Variants in RNF213 observed in about 807,000 individuals in gnomAD.
The protein encoded by RNF213 is ring finger protein 213, also known as E3 ubiquitin-protein ligase RNF213.
Under a neutral mutation model 514.4 loss-of-function variants are expected in RNF213, and 341 were observed. The observed-to-expected ratio is 0.66, with a 90% CI of 0.61 to 0.73. RNF213 has a LOEUF of 0.73. RNF213 is among the 30% of genes least tolerant of loss of function. RNF213 has a pLI of 0.00. For missense variants in RNF213, 5,767 were observed against 6,615.6 expected (o/e 0.87, Z 4.45); for synonymous variants, 2,655 against 2,658.2 (o/e 1.00, Z 0.04).
rs371202144 is a variant in RNF213, at chr17:80,369,594, C to T, written c.12248C>T (p.Pro4083Leu). 70 of 1,614,098 alleles carry T rather than the reference C, an allele frequency of 4.3e-5. No individual in the cohort carries two copies. Among genetic ancestry groups the T allele is most frequent in the Non-Finnish European group, 5.6e-5 (66 of 1,180,046 alleles). The change falls in exon 45 of 68, where the codon CCG (proline) becomes CTG (leucine). Residue 4083 changes from proline to leucine, a missense_variant. This residue lies in a region of RNF213 where 93 missense variants were observed against 95.6 expected (regional missense o/e 0.97). Coordinates refer to ENST00000582970, the MANE Select transcript of RNF213 (RefSeq NM_001256071.3). ...VSTICFKDNA[P>L]PEKEVIESLL... is the part of the protein sequence containing the mutation. ...ACCATTTGCTTCAAGGACAACGCTC[C>T]GCCTGAGAAGGAAGTGATTGAGAGC...
At position 80,347,919 on chromosome 17, in the gene RNF213, TGGA is replaced by T. The variant is rs747090203; in HGVS notation, c.9586_9588del (p.Glu3196del). On this transcript the variant is annotated inframe_deletion, in exon 29 of 68. Transcript: ENST00000582970. This position sits in a 1 kb window ranked among gnomAD's most constrained non-coding sequence, Gnocchi z 7.2. ...ATCGTGGAGGAGCTCTGTGCGTGGG[TGGA>T]GAAGTTCATCAATGTCAAAGCACAT... is the stretch of plus-strand genomic sequence containing the variant. The T allele has an allele frequency of 5.6e-6, 9 of 1,614,064 alleles. No individual in the cohort carries two copies. The highest frequency in any genetic ancestry group is 3.3e-5 in the Admixed American group (2 of 60,018).
In RNF213 at chr17:80,346,014, C is replaced by T; in HGVS notation, c.7679C>T (p.Pro2560Leu). The T allele has an allele frequency of 6.2e-7, 1 of 1,614,210 alleles. No individual in the cohort carries two copies. Among genetic ancestry groups the T allele is most frequent in the Non-Finnish European group, 8.5e-7 (1 of 1,180,042 alleles). The change falls in exon 29 of 68, where the codon CCT becomes CTT. Residue 2560 changes from proline (P) to leucine (L), a missense_variant. By Grantham distance (98) the Pro-to-Leu change is moderately conservative. This residue lies in a region of RNF213 where 1,377 missense variants were observed against 1,635.2 expected (regional missense o/e 0.84). Transcript: ENST00000582970. This position sits in a 1 kb window ranked among gnomAD's most constrained non-coding sequence, Gnocchi z 8.1. ...EETADRLGSI[P>L]LRQLVYRVHA... ...ACGGCCGACAGGCTGGGCTCCATTC[C>T]TCTGAGGCAGCTGGTATACCGGGTC...
chr17:80,376,244 G>A (rs1396895274), intron 51 of RNF213, 57 bp from the exon 52 acceptor site: 12 of 1,595,588 alleles, frequency 7.5e-6, no homozygotes, highest in East Asian at 2.2e-5. Context: ...GTATGTCTAA[G>A]AGCAATTCAC....
At chr17:80,392,424 T>C (rs1055260822) in intron 67 of RNF213, among the ~76,000 whole-genome samples, 8 of 152,182 alleles carry the variant, frequency 5.3e-5, no homozygotes, top group Non-Finnish European at 1.2e-4. Context: ...AAACATCACC[T>C]TGCTAGAGGG....
intron 17 of RNF213, among the ~76,000 whole-genome samples, chr17:80,322,630 G>C (rs1214548708): frequency 6.6e-6 from 1 of 152,092 alleles, no homozygotes; most frequent in Non-Finnish European, 1.5e-5. Context: ...GCCCAGGCTG[G>C]TCTTGAACTC....
At chr17:80,289,450 C>T (rs889324030) in intron 5 of RNF213, among the ~76,000 whole-genome samples, 2 of 152,078 alleles carry the variant, frequency 1.3e-5, no homozygotes, top group African/African-American at 2.4e-5. Flanking sequence ...ATTAGCCAGC[C>T]GTGGTGGCAT....
At position 80,354,671 on chromosome 17, in the gene RNF213, C is replaced by T. The variant is rs575211485; in HGVS notation, c.10862+95C>T. 2.5e-4 allele frequency: 369 copies of T among 1,469,722 alleles called. 6 individuals are homozygous for T. The South Asian group carries it at 4.1e-3, about 16-fold the overall frequency. 91.0% of individuals were successfully genotyped at this position (1,469,722 alleles called of 1,614,324 possible). Reference sequence around the variant, plus strand: ...CCTCTCTCCATCCGGGCCATGGGGACTGAGCTGTTTCTTTCCAAACCTCTC... The same window carrying T: ...CCTCTCTCCATCCGGGCCATGGGGATTGAGCTGTTTCTTTCCAAACCTCTC... On this transcript the variant is annotated intron_variant, in intron 36 of 67. Transcript: ENST00000582970.
intron 25 of RNF213, 55 bp from the exon 26 acceptor site, chr17:80,339,146 C>A: frequency 7.2e-7 from 1 of 1,381,366 alleles, no homozygotes; most frequent in African/African-American, 1.5e-5. Flanking sequence ...TGCAGAGTAG[C>A]GTGTTACCCT....
intron 42 of RNF213, chr17:80,365,192 A>G (rs906166415): frequency 2.6e-5 from 4 of 156,310 alleles, no homozygotes; most frequent in African/African-American, 9.6e-5. Context: ...TCACGTGAGC[A>G]CATCCAGAGC....
chr17:80,388,042 C>T (rs1422610982), intron 63 of RNF213, among the ~76,000 whole-genome samples: 1 of 150,316 alleles, frequency 6.7e-6, no homozygotes, highest in Non-Finnish European at 1.5e-5. Flanking sequence ...TTGCTGCAAG[C>T]TCCACCTCCC....
chr17:80,337,544 C>T (rs1178888762), intron 23 of RNF213, 42 bp from the exon 24 acceptor site: 18 of 1,531,376 alleles, frequency 1.2e-5, no homozygotes, highest in Non-Finnish European at 1.6e-5. Context: ...GCAAGATCCT[C>T]GCTCCAACCG....
In RNF213 at chr17:80,306,323, G is replaced by A. The variant is rs1340518021; in HGVS notation, c.2282G>A (p.Trp761Ter). The change falls in exon 12 of 68, where the codon TGG (tryptophan) becomes TAG (stop). Residue 761 changes from tryptophan (W) to a stop codon, truncating the protein, a stop_gained. Coordinates refer to ENST00000582970, the MANE Select transcript of RNF213 (RefSeq NM_001256071.3). LOFTEE classifies it high-confidence loss of function. ...LSIDEPLFRS[W>*]FSLLPLSHLV... is the part of the protein sequence containing the mutation. ...ATAGACGAGCCTCTCTTCCGGTCCTGGTTTAGTCTGCTACCTCTGAGTCAC... is the reference window on the plus strand; with the variant it reads ...ATAGACGAGCCTCTCTTCCGGTCCTAGTTTAGTCTGCTACCTCTGAGTCAC... 1 of 1,614,012 alleles carries A rather than the reference G, an allele frequency of 6.2e-7. No homozygotes were observed. The highest frequency in any genetic ancestry group is 1.3e-5 in the African/African-American group (1 of 74,880).
At chr17:80,360,622 C>T (rs950103221) in intron 38 of RNF213, among the ~76,000 whole-genome samples, 1 of 152,198 alleles carries the variant, frequency 6.6e-6, no homozygotes, top group African/African-American at 2.4e-5. Flanking sequence ...GCACGAGCGC[C>T]TGGAGCATCC....
rs1356988794 is a variant in RNF213, at chr17:80,288,626, C to G, written c.811-7C>G. 8 of 1,614,160 alleles carry G rather than the reference C, an allele frequency of 5.0e-6. No homozygotes were observed. Among genetic ancestry groups the G allele is most frequent in the Non-Finnish European group, 6.8e-6 (8 of 1,180,030 alleles). ...TCACCTTGGCTCTGGTGTTTGGGGT[C>G]TTTCAGGCAGTTGATGCTGTAGCTG... On this transcript the variant is annotated splice_region_variant and splice_polypyrimidine_tract_variant and intron_variant, in intron 4 of 67. Transcript: ENST00000582970. This position sits in a 1 kb window ranked among gnomAD's most constrained non-coding sequence, Gnocchi z 4.9.
At chr17:80,391,987 C>T (rs1319430933) in intron 67 of RNF213, among the ~76,000 whole-genome samples, 1 of 151,764 alleles carries the variant, frequency 6.6e-6, no homozygotes, top group African/African-American at 2.4e-5. Flanking sequence ...AGGCTGGTCT[C>T]GATCTCCTGA....
chr17:80,325,659 C>G (rs1366339536), intron 18 of RNF213, among the ~76,000 whole-genome samples: 1 of 131,302 alleles, frequency 7.6e-6, no homozygotes, highest in East Asian at 2.0e-4. Context: ...AAGTGAAGTA[C>G]TGTGCTGTCT....
intron 3 of RNF213, chr17:80,278,696 C>G (rs970132248): frequency 3.3e-6 from 5 of 1,514,340 alleles, no homozygotes; most frequent in Middle Eastern, 3.5e-4. Flanking sequence ...GGGGTCTTTG[C>G]GAGTCTACTG....
At position 80,263,667 on chromosome 17, in the gene RNF213, G is replaced by A; in HGVS notation, c.-15G>A. ...CTCTTGCTTCTGGATCTGCAGGGCAGTCCCAGCAGGACCCATGGAGTGTCC... is the reference window on the plus strand; with the variant it reads ...CTCTTGCTTCTGGATCTGCAGGGCAATCCCAGCAGGACCCATGGAGTGTCC... On this transcript the variant is annotated 5_prime_UTR_variant, in exon 2 of 68. Coordinates refer to ENST00000582970, the MANE Select transcript of RNF213 (RefSeq NM_001256071.3). The surrounding 1 kb of genome is among the most constrained non-coding windows in gnomAD (Gnocchi z 4.9). 6.2e-7 allele frequency: 1 copy of A among 1,611,146 alleles called. No homozygotes were observed. Among genetic ancestry groups the A allele is most frequent in the Non-Finnish European group, 8.5e-7 (1 of 1,177,328 alleles).
chr17:80,261,407 G>A (rs1037770745), intron 1 of RNF213, among the ~76,000 whole-genome samples: 1 of 152,246 alleles, frequency 6.6e-6, no homozygotes, highest in African/African-American at 2.4e-5. Flanking sequence ...CTTCCGACTT[G>A]GCGAAGTCGC....
Sources: gnomAD v4.1 joint callset for allele counts (sites outside exome capture counted in the v4.1 genomes callset) on GRCh38, gnomAD v4.1.1 for gene constraint, gnomAD v4.1.1 regional missense constraint, Gnocchi (gnomAD v3.1) non-coding constraint, MANE v1.5 for transcripts, NCBI Gene and HGNC (gene_info 2026-07-23, HGNC 2026-07-21) for gene names.